SHANK2: variants seen among roughly 807,000 people sequenced by gnomAD.
SHANK2 encodes the protein SH3 and multiple ankyrin repeat domains 2.
In SHANK2, 43 loss-of-function variants were observed where a neutral mutation model predicts 133.7. The observed-to-expected ratio is 0.32, with a 90% confidence interval of 0.25 to 0.41. The LOEUF is 0.41. Among genes scored for constraint, SHANK2 ranks in the 10% least tolerant of loss-of-function variants. The pLI is 1.00. For missense variants in SHANK2, 1,994 were observed against 2,235.8 expected, an observed-to-expected ratio of 0.89 and a Z score of 2.18; for synonymous variants, 1,017 against 952.8, an observed-to-expected ratio of 1.07 and a Z score of -1.24.
At chr11:70,898,082 C>G (rs903309058) in intron 10 of SHANK2, among the ~76,000 whole-genome samples, 1 of 151,556 alleles carries the variant, frequency 6.6e-6, no homozygotes. Context: ...TGTGCCTCAG[C>G]CTCCTGAGTA....
chr11:70,912,100 A>G (rs1392465530), intron 10 of SHANK2, among the ~76,000 whole-genome samples: 17 of 133,768 alleles, frequency 1.3e-4, no homozygotes, highest in African/African-American at 5.3e-4. Context: ...AAAAAAAAAA[A>G]AAAAAAAAAA....
rs1472325102 is a variant in SHANK2, at chr11:71,085,990, ATAT to A, written c.912+6429_912+6431del. 1.8e-3 allele frequency among the ~76,000 whole-genome samples: 149 copies of A among 84,064 alleles called. 1 individual carries two copies. Among genetic ancestry groups the A allele is most frequent in the African/African-American group, 6.5e-3 (131 of 20,236 alleles). 55.1% of individuals were successfully genotyped at this position (84,064 alleles called of 152,430 possible). On this transcript the variant is annotated intron_variant, in intron 8 of 25. Transcript: ENST00000601538. ...TATTATATATATTATGTTATATATT[ATAT>A]TATGTTATATATTATTATATATAAC...
rs1477101269 is a variant in SHANK2, at chr11:71,075,249, G to C, written c.939C>G (p.His313Gln). ...HQACRYGHVQ[H>Q]LEHLLFYGAD... is the part of the protein sequence containing the mutation. ...CCCCGTAGAACAGCAGGTGCTCCAG[G>C]TGCTGCACGTGCCCGTACCTGCAGG... is the stretch of plus-strand genomic sequence containing the variant. The change falls in exon 9 of 26, where the codon CAC becomes CAG. Residue 313 changes from histidine (H) to glutamine (Q), a missense_variant. Transcript: ENST00000601538. 8.1e-6 allele frequency: 2 copies of C among 245,818 alleles called. No homozygotes were observed. Among genetic ancestry groups the C allele is most frequent in the African/African-American group, 4.6e-5 (2 of 43,714 alleles). 15.2% of individuals were successfully genotyped at this position (245,818 alleles called of 1,614,324 possible). A position where few individuals can be genotyped will look rare whatever the true frequency, so the allele number is the denominator to read the frequency against.
At chr11:70,545,549 C>T (rs542546014) in intron 17 of SHANK2, among the ~76,000 whole-genome samples, 15 of 152,174 alleles carry the variant, frequency 9.9e-5, no homozygotes, top group South Asian at 2.1e-4. Flanking sequence ...GTGACAGCAC[C>T]GTCTCCCTAA....
Position 70,500,393 on chromosome 11 carries a change from G to T in SHANK2, c.2308+177C>A, listed in dbSNP as rs1555158120. ...GGGAATCACAGACAGAAGCCAAGCA[G>T]AAAGAACAGACAGATGAATGTGCTC... is the stretch of plus-strand genomic sequence containing the variant. On this transcript the variant is annotated intron_variant, in intron 21 of 25. Coordinates refer to ENST00000601538, the MANE Select transcript of SHANK2 (RefSeq NM_012309.5). The surrounding 1 kb of genome is among the most constrained non-coding windows in gnomAD (Gnocchi z 4.5). Among the ~76,000 whole-genome samples, 1 of 151,976 alleles carries T rather than the reference G, an allele frequency of 6.6e-6. No homozygotes were observed. The highest frequency in any genetic ancestry group is 1.5e-5 in the Non-Finnish European group (1 of 68,012).
At chr11:70,608,172 A>G (rs2060605324) in intron 17 of SHANK2, among the ~76,000 whole-genome samples, 1 of 152,104 alleles carries the variant, frequency 6.6e-6, no homozygotes, top group South Asian at 2.1e-4. Flanking sequence ...TTTCTTTTAG[A>G]GACAGGGTTT....
chr11:71,123,312 T>TG (rs1279124798), intron 3 of SHANK2, among the ~76,000 whole-genome samples: 4 of 152,150 alleles, frequency 2.6e-5, no homozygotes, highest in African/African-American at 4.8e-5. Flanking sequence ...CCATTTGTAG[T>TG]GGGGAAAAAC....
At chr11:70,898,471 A>G (rs572871653) in intron 10 of SHANK2, among the ~76,000 whole-genome samples, 23 of 152,244 alleles carry the variant, frequency 1.5e-4, no homozygotes, top group African/African-American at 5.3e-4. Flanking sequence ...GAATGTTAGA[A>G]TGATTCTGCT....
intron 2 of SHANK2, among the ~76,000 whole-genome samples, chr11:71,212,310 A>G (rs905629046): frequency 2.0e-5 from 3 of 152,228 alleles, no homozygotes; most frequent in Admixed American, 1.3e-4. Context: ...ACAGCTAAAA[A>G]GACAGATTCC....
intron 11 of SHANK2, among the ~76,000 whole-genome samples, chr11:70,836,293 C>T (rs1036750772): frequency 7.9e-5 from 12 of 152,198 alleles, no homozygotes; most frequent in Non-Finnish European, 1.6e-4. Flanking sequence ...AAAGCTTGGG[C>T]GAGACTGGGG....
chr11:70,844,281 A>G (rs185603428), intron 11 of SHANK2, among the ~76,000 whole-genome samples: 111 of 152,306 alleles, frequency 7.3e-4, no homozygotes, highest in African/African-American at 2.5e-3. Flanking sequence ...TCAGCAGAGC[A>G]TGCCTTGAAT....
At position 71,094,040 on chromosome 11, in the gene SHANK2, C is replaced by T. The variant is rs144697951; in HGVS notation, c.744+497G>A. ...ACAACAGGGCAGGCTCCCACGGACC[C>T]GCCACAGGGTGCTGGGGGGATCTAC... On this transcript the variant is annotated intron_variant, in intron 7 of 25. Transcript: ENST00000601538. Among the ~76,000 whole-genome samples the T allele has an allele frequency of 4.2e-3, 637 of 152,168 alleles. 4 individuals carry two copies. Among genetic ancestry groups the T allele is most frequent in the African/African-American group, 0.015 (610 of 41,512 alleles).
At chr11:70,698,844 G>A (rs1945457178) in intron 14 of SHANK2, 81 bp from the exon 15 acceptor site, 1 of 715,568 alleles carries the variant, frequency 1.4e-6, no homozygotes, top group African/African-American at 1.7e-5. Context: ...GAGGCTGGTG[G>A]GCCCTCTCAC....
rs1028688371 is a variant in SHANK2 at position 71,082,112 on chromosome 11, G to A, written c.913-6837C>T. On this transcript the variant is annotated intron_variant, in intron 8 of 25. Transcript: ENST00000601538. ...GCATGCCAGCTGCCCAGATCTGAGG[G>A]TCACCTGCCAGCACCACAGCCTGGT... Among the ~76,000 whole-genome samples the A allele has an allele frequency of 4.6e-5, 7 of 152,306 alleles. No individual in the cohort carries two copies. The South Asian group carries it at 1.5e-3, about 32-fold the overall frequency.
chr11:70,733,709 TG>T (rs1302074679), intron 14 of SHANK2, among the ~76,000 whole-genome samples: 2 of 151,082 alleles, frequency 1.3e-5, no homozygotes, highest in African/African-American at 4.9e-5. Flanking sequence ...GAGAGGGGGG[TG>T]GCAGGTAAGT....
intron 2 of SHANK2, among the ~76,000 whole-genome samples, chr11:71,185,621 C>T (rs936447339): frequency 6.6e-6 from 1 of 152,180 alleles, no homozygotes; most frequent in Non-Finnish European, 1.5e-5. Flanking sequence ...AAATCTCATT[C>T]CAGTTCAGCC....
At chr11:70,841,755 T>C (rs1055990940) in intron 11 of SHANK2, among the ~76,000 whole-genome samples, 6 of 152,334 alleles carry the variant, frequency 3.9e-5, no homozygotes, top group African/African-American at 1.4e-4. Flanking sequence ...CTGCTCCTCC[T>C]GCCTGGCTTC....
chr11:71,184,128 A>G (rs1953624612), intron 2 of SHANK2, among the ~76,000 whole-genome samples: 1 of 152,064 alleles, frequency 6.6e-6, no homozygotes, highest in Non-Finnish European at 1.5e-5. Flanking sequence ...CCCCGGCGGC[A>G]CCTGGACTTG....
At chr11:70,772,208 G>A (rs1304946225) in intron 14 of SHANK2, among the ~76,000 whole-genome samples, 1 of 152,140 alleles carries the variant, frequency 6.6e-6, no homozygotes, top group African/African-American at 2.4e-5. Context: ...GGGAGGCTGA[G>A]GCAGGTGGAT....
Sources: gnomAD v4.1 joint callset for allele counts (sites outside exome capture counted in the v4.1 genomes callset) on GRCh38, gnomAD v4.1.1 for gene constraint, Gnocchi (gnomAD v3.1) non-coding constraint, MANE v1.5 for transcripts, NCBI Gene and HGNC (gene_info 2026-07-23, HGNC 2026-07-21) for gene names.